The following SLC38A9 variants were observed in gnomAD, a reference collection of about 807,000 sequenced individuals.
SLC38A9 encodes solute carrier family 38 member 9, also known as neutral amino acid transporter 9.
SLC38A9 carries 48 observed loss-of-function variants against 62.3 expected under a neutral mutation model. The ratio of observed to expected loss-of-function variants is 0.77; its 90% CI spans 0.61 to 0.98. The LOEUF (loss-of-function observed/expected upper bound fraction) is 0.98. Among genes scored for constraint, SLC38A9 ranks in the 50% least tolerant of loss-of-function variants. The probability of loss-of-function intolerance (pLI) is 0.00; values close to 1 mark genes in which losing one functional copy is unlikely to be tolerated. For synonymous variants in SLC38A9, 204 were observed against 227.7 expected (o/e 0.90, Z 0.94); for missense variants, 541 against 679.8 (o/e 0.80, Z 2.27).
chr5:55,653,978 C>A (rs1312833938), intron 9 of SLC38A9, among the ~76,000 whole-genome samples: 1 of 152,102 alleles, frequency 6.6e-6, no homozygotes, highest in Non-Finnish European at 1.5e-5. Context: ...TTCTTAAATA[C>A]TGATCTACAA....
intron 12 of SLC38A9, among the ~76,000 whole-genome samples, chr5:55,642,860 A>C (rs1438035060): frequency 1.3e-5 from 2 of 152,204 alleles, no homozygotes; most frequent in African/African-American, 2.4e-5. Context: ...GGAAAAGCTT[A>C]ATTTATATTT....
chr5:55,653,208 C>T (rs1248831557), intron 9 of SLC38A9, among the ~76,000 whole-genome samples: 1 of 152,072 alleles, frequency 6.6e-6, no homozygotes, highest in Admixed American at 6.5e-5. Flanking sequence ...CTGAGGTGAT[C>T]CACCCACCTT....
At chr5:55,663,085 G>C (rs1749880017) in intron 8 of SLC38A9, among the ~76,000 whole-genome samples, 1 of 151,646 alleles carries the variant, frequency 6.6e-6, no homozygotes, top group South Asian at 2.1e-4. Flanking sequence ...AGTAGACACA[G>C]GGTTTCACCA....
At position 55,628,364 on chromosome 5, in the gene SLC38A9, C is replaced by G. The variant is rs577950350; in HGVS notation, c.1431-384G>C. 1.3e-3 allele frequency among the ~76,000 whole-genome samples: 198 copies of G among 152,112 alleles called. No individual in the cohort carries two copies. The Middle Eastern group carries it at 0.014, about 10-fold the overall frequency. ...CATAGCAAGACAATAATTTACTTGA[C>G]AGAATATGTTAAAAATTATTTAAAA... On this transcript the variant is annotated intron_variant, in intron 14 of 15. Coordinates refer to ENST00000396865, the MANE Select transcript of SLC38A9 (RefSeq NM_173514.4).
At chr5:55,656,885 G>A in intron 8 of SLC38A9, 111 bp from the exon 9 acceptor site, 1 of 481,730 alleles carries the variant, frequency 2.1e-6, no homozygotes, top group Non-Finnish European at 3.4e-6. Flanking sequence ...CTTTGAGACG[G>A]AGTCTTGCTC....
chr5:55,687,211 G>A (rs894348347), intron 3 of SLC38A9, among the ~76,000 whole-genome samples: 4 of 150,674 alleles, frequency 2.7e-5, no homozygotes, highest in Admixed American at 1.3e-4. Context: ...AGGCCGAGGC[G>A]GGCGGATCAC....
rs35686566 is a variant in SLC38A9, at chr5:55,659,378, G to GTTTTTTTTT, written c.698-2613_698-2605dup. Reference sequence around the variant, plus strand: ...ATGAACTATTAAAAAAACTGGAAAGGTTTTTTTTTTTATTTTATTTTGATT... The same window carrying GTTTTTTTTT: ...ATGAACTATTAAAAAAACTGGAAAGGTTTTTTTTTTTTTTTTTTTTATTTTATTTTGATT... On this transcript the variant is annotated intron_variant, in intron 8 of 15. Coordinates refer to ENST00000396865, the MANE Select transcript of SLC38A9 (RefSeq NM_173514.4). 2.3e-4 allele frequency among the ~76,000 whole-genome samples: 29 copies of GTTTTTTTTT among 125,626 alleles called. 1 individual carries two copies. The highest frequency in any genetic ancestry group is 3.3e-4 in the Non-Finnish European group (20 of 61,118). 82.4% of individuals were successfully genotyped at this position (125,626 alleles called of 152,430 possible).
chr5:55,634,011 G>C (rs1025376073), intron 13 of SLC38A9, 109 bp from the exon 14 acceptor site: 16 of 798,534 alleles, frequency 2.0e-5, no homozygotes, highest in Non-Finnish European at 2.9e-5. Flanking sequence ...CTCCGATTGT[G>C]GTTTGTGGAC....
At position 55,691,314 on chromosome 5, in the gene SLC38A9, A is replaced by G. The variant is rs556282225; in HGVS notation, c.113+6532T>C. ...AGCCCTGGAGGGAATAGGACAGATA[A>G]GTACTGGTGAATAAGGGGCAGAAGA... On this transcript the variant is annotated intron_variant, in intron 3 of 15. Transcript: ENST00000396865. 7.4e-5 allele frequency: 109 copies of G among 1,481,936 alleles called. 1 individual carries two copies. The African/African-American group carries it at 1.4e-3, about 19-fold the overall frequency. The allele number at this position is 1,481,936 out of a possible 1,614,324, so 91.8% of individuals were successfully genotyped here.
At chr5:55,664,942 C>T in intron 7 of SLC38A9, 79 bp from the exon 8 acceptor site, 2 of 968,774 alleles carry the variant, frequency 2.1e-6, no homozygotes, top group Middle Eastern at 2.3e-4. Context: ...CCCAAATAAA[C>T]TCAAAATATT....
chr5:55,633,131 C>T (rs529254274), intron 14 of SLC38A9, among the ~76,000 whole-genome samples: 1 of 152,200 alleles, frequency 6.6e-6, no homozygotes, highest in Admixed American at 6.5e-5. Flanking sequence ...CCTCAGCCTC[C>T]TGAGTAACTG....
chr5:55,642,450 T>C lies in SLC38A9; in HGVS notation c.1167+3339A>G, dbSNP rs1745598443. ...TCAATAAGATTGTGTTTGTCTTCCC[T>C]AGATTCCTAGGTACATGAGGTTGTT... On this transcript the variant is annotated intron_variant, in intron 12 of 15. Transcript: ENST00000396865. Among the ~76,000 whole-genome samples, 4 of 152,222 alleles carry C rather than the reference T, an allele frequency of 2.6e-5. No individual in the cohort carries two copies. In the South Asian group the frequency reaches 8.3e-4, roughly 32 times the overall value.
intron 7 of SLC38A9, among the ~76,000 whole-genome samples, chr5:55,666,610 C>T (rs1240735627): frequency 6.6e-6 from 1 of 152,082 alleles, no homozygotes; most frequent in African/African-American, 2.4e-5. Context: ...ATAACTGTTT[C>T]GGCTGGGCAC....
chr5:55,657,969 C>T (rs1748751676), intron 8 of SLC38A9: 1 of 152,128 alleles, frequency 6.6e-6, no homozygotes, highest in East Asian at 1.9e-4. Context: ...CAAAGACTTA[C>T]AGTAAGGCTA....
At chr5:55,639,186 C>G (rs1039258315) in intron 12 of SLC38A9, among the ~76,000 whole-genome samples, 7 of 149,308 alleles carry the variant, frequency 4.7e-5, no homozygotes, top group Non-Finnish European at 7.4e-5. Flanking sequence ...GGCAGGAGAA[C>G]TGCTTGAACC....
rs572176163 is a variant in SLC38A9 at position 55,629,802 on chromosome 5, A to C, written c.1431-1822T>G. Among the ~76,000 whole-genome samples the C allele has an allele frequency of 4.6e-5, 7 of 152,346 alleles. No individual in the cohort carries two copies. The South Asian group carries it at 8.3e-4, about 18-fold the overall frequency. On this transcript the variant is annotated intron_variant, in intron 14 of 15. Transcript: ENST00000396865. ...TTCAAATAAAAACTAGAATTTTGGAAAACTTGTATTTGCTACCCTGAGCTT... is the reference window on the plus strand; with the variant it reads ...TTCAAATAAAAACTAGAATTTTGGACAACTTGTATTTGCTACCCTGAGCTT...
At chr5:55,707,260 G>A (rs1452688177) in intron 2 of SLC38A9, among the ~76,000 whole-genome samples, 2 of 152,150 alleles carry the variant, frequency 1.3e-5, no homozygotes, top group Non-Finnish European at 2.9e-5. Context: ...AGGTTGAGAG[G>A]TGAATTAGAG....
At chr5:55,662,684 AACC>A (rs1749791393) in intron 8 of SLC38A9, among the ~76,000 whole-genome samples, 1 of 52,430 alleles carries the variant, frequency 1.9e-5, no homozygotes, top group Non-Finnish European at 5.6e-5. Context: ...AACAAAAAAA[AACC>A]AAAAAAAAAA....
chr5:55,632,337 C>A (rs534365189), intron 14 of SLC38A9, among the ~76,000 whole-genome samples: 51 of 152,246 alleles, frequency 3.3e-4, no homozygotes, highest in African/African-American at 1.1e-3. Context: ...ACTCAGGAGG[C>A]TGAGGCAGGA....
Sources: allele counts gnomAD v4.1 joint callset (sites outside exome capture counted in the v4.1 genomes callset), GRCh38; gene constraint gnomAD v4.1.1; transcripts MANE v1.5; gene names NCBI Gene and HGNC (gene_info 2026-07-23, HGNC 2026-07-21).